DIAPH2: variants seen among roughly 807,000 people sequenced by gnomAD.
The protein encoded by DIAPH2 is diaphanous related formin 2, also known as protein diaphanous homolog 2.
Under a neutral mutation model 92.7 loss-of-function variants are expected in DIAPH2, and 35 were observed. That is an observed-to-expected ratio of 0.38 (90% confidence interval 0.29 to 0.50). The LOEUF (loss-of-function observed/expected upper bound fraction) is 0.50. Ranked by LOEUF, DIAPH2 falls within the 20% of genes least tolerant of loss-of-function variation. The pLI, the probability that DIAPH2 is intolerant of heterozygous loss-of-function variation, is 0.94. For missense variants in DIAPH2, 701 were observed against 819.5 expected (o/e 0.86, Z 1.77); for synonymous variants, 301 against 280.4 (o/e 1.07, Z -0.73).
At chrX:97,144,475 G>A (rs182580492) in intron 22 of DIAPH2, among the ~76,000 whole-genome samples, 2 of 110,827 alleles carry the variant, frequency 1.8e-5, no homozygotes, top group African/African-American at 6.5e-5. Context: ...AATGTTCAAG[G>A]TGGTAGATAC....
At chrX:96,806,270 T>G (rs925897740) in intron 4 of DIAPH2, among the ~76,000 whole-genome samples, 1 of 111,943 alleles carries the variant, frequency 8.9e-6, no homozygotes, top group Non-Finnish European at 1.9e-5. Flanking sequence ...AGATAAATCC[T>G]CAGTTTTCTA....
chrX:96,799,269 T>G (rs2064563401), intron 4 of DIAPH2, among the ~76,000 whole-genome samples: 1 of 111,575 alleles, frequency 9.0e-6, no homozygotes, highest in South Asian at 3.8e-4. Context: ...TTCCTTTCTC[T>G]CAGGGATCAC....
chrX:96,881,602 T>C lies in DIAPH2; in HGVS notation c.471T>C (p.His157=), dbSNP rs763308098. Residue 157 remains histidine, a synonymous_variant, in exon 5 of 27, where the codon CAT becomes CAC. Transcript: ENST00000324765. ...AKSGGLKNSK[H]ECTLSSQEYV... is the part of the protein sequence containing the mutation. Reference sequence around the variant, plus strand: ...AGGGTGGGCTGAAAAACAGCAAACATGAATGCACCCTGTCTTCACAAGAAT... The same window carrying C: ...AGGGTGGGCTGAAAAACAGCAAACACGAATGCACCCTGTCTTCACAAGAAT... 3.3e-6 allele frequency: 4 copies of C among 1,205,668 alleles called. No individual in the cohort carries two copies.
At chrX:97,493,989 C>T (rs1411815127) in intron 26 of DIAPH2, among the ~76,000 whole-genome samples, 3 of 102,116 alleles carry the variant, frequency 2.9e-5, no homozygotes, top group Admixed American at 1.1e-4. Context: ...GTCTGAGATG[C>T]GTGAATCACT....
At chrX:97,147,971 A>G (rs931829625) in intron 22 of DIAPH2, among the ~76,000 whole-genome samples, 1 of 111,616 alleles carries the variant, frequency 9.0e-6, no homozygotes, top group Non-Finnish European at 1.9e-5. Context: ...ATATAAAAGA[A>G]AAAAGTAAAA....
At chrX:96,859,029 A>G (rs2065056691) in intron 4 of DIAPH2, among the ~76,000 whole-genome samples, 1 of 111,987 alleles carries the variant, frequency 8.9e-6, no homozygotes, top group South Asian at 3.7e-4. Flanking sequence ...GAATTTTGAA[A>G]GAGTTTAGGA....
chrX:97,362,258 A>G (rs1294382637), intron 24 of DIAPH2, among the ~76,000 whole-genome samples: 3 of 110,574 alleles, frequency 2.7e-5, no homozygotes, highest in Non-Finnish European at 5.7e-5. Context: ...TTAAAAAAAA[A>G]AAAAAGACTG....
intron 23 of DIAPH2, among the ~76,000 whole-genome samples, chrX:97,254,273 C>T (rs1406621334): frequency 4.5e-5 from 5 of 111,068 alleles, no homozygotes; most frequent in African/African-American, 1.6e-4. Flanking sequence ...GGGTAGATCA[C>T]CTGAGGTCAG....
intron 9 of DIAPH2, among the ~76,000 whole-genome samples, chrX:96,922,736 T>C (rs1189705085): frequency 8.9e-6 from 1 of 111,952 alleles, no homozygotes; most frequent in Non-Finnish European, 1.9e-5. Flanking sequence ...TTCCCAGATA[T>C]GCTGTAGACT....
At chrX:96,808,276 GAATA>G (rs777528710) in intron 4 of DIAPH2, among the ~76,000 whole-genome samples, 14 of 110,037 alleles carry the variant, frequency 1.3e-4, no homozygotes, top group Non-Finnish European at 2.1e-4. Flanking sequence ...CATAAATGTG[GAATA>G]AATAAAGGAT....
At chrX:96,732,957 C>T (rs929951991) in intron 1 of DIAPH2, among the ~76,000 whole-genome samples, 2 of 111,735 alleles carry the variant, frequency 1.8e-5, no homozygotes, top group African/African-American at 6.5e-5. Flanking sequence ...TAGAAGATAG[C>T]CCAGGGCTGA....
chrX:96,924,553 A>G, intron 9 of DIAPH2, among the ~76,000 whole-genome samples: 1 of 111,349 alleles, frequency 9.0e-6, no homozygotes, highest in Non-Finnish European at 1.9e-5. Context: ...TCCTTTATCA[A>G]AGCTCCCTCC....
chrX:97,323,484 T>G (rs1283747343), intron 23 of DIAPH2, among the ~76,000 whole-genome samples: 5 of 99,816 alleles, frequency 5.0e-5, no homozygotes, highest in South Asian at 4.9e-4. Context: ...CCAGCTACTC[T>G]GGAGGCTGAG....
chrX:96,735,779 G>T lies in DIAPH2; in HGVS notation c.154G>T (p.Ala52Ser). 9.1e-7 allele frequency: 1 copy of T among 1,100,851 alleles called. No homozygotes were observed. The highest frequency in any genetic ancestry group is 2.1e-5 in the South Asian group (1 of 47,167). The allele number at this position is 1,100,851 out of a possible 1,213,427, so 90.7% of individuals were successfully genotyped here. Residue 52 changes from alanine (A) to serine (S), a missense_variant, in exon 2 of 27, where the codon GCA becomes TCA. Physicochemically the swap from Ala to Ser is moderately conservative, Grantham distance 99. Transcript: ENST00000324765. ...PKLNIQIKTL[A>S]DDVRDRITSF... ...ATAGAACATTCAAATAAAAACTTTGGCAGATGATGTGGTAAGGTGGTCTTA... is the reference window on the plus strand; with the variant it reads ...ATAGAACATTCAAATAAAAACTTTGTCAGATGATGTGGTAAGGTGGTCTTA...
chrX:97,243,021 C>T (rs948934176), intron 22 of DIAPH2, among the ~76,000 whole-genome samples: 52 of 106,905 alleles, frequency 4.9e-4, no homozygotes, highest in African/African-American at 1.7e-3. Context: ...CTCCTGACCT[C>T]GTGATCTGCC....
At chrX:96,770,062 G>C (rs981030986) in intron 4 of DIAPH2, among the ~76,000 whole-genome samples, 1 of 110,854 alleles carries the variant, frequency 9.0e-6, no homozygotes, top group Admixed American at 9.6e-5. Flanking sequence ...GCTGGGCCTG[G>C]TGGCAGGCCC....
At chrX:96,903,359 C>A (rs899327611) in intron 5 of DIAPH2, among the ~76,000 whole-genome samples, 2 of 111,472 alleles carry the variant, frequency 1.8e-5, no homozygotes, top group African/African-American at 6.5e-5. Flanking sequence ...TTTTGGAATA[C>A]GTTTACTTTA....
At chrX:96,764,296 T>G (rs6523055) in intron 4 of DIAPH2, among the ~76,000 whole-genome samples, 17,380 of 110,243 alleles carry the variant, frequency 0.16, 1,219 homozygotes, top group East Asian at 0.32. Flanking sequence ...TGATGGCTGG[T>G]GTTTGGCTAG....
chrX:97,035,784 G>A (rs1286454232), intron 17 of DIAPH2, among the ~76,000 whole-genome samples: 8 of 110,426 alleles, frequency 7.2e-5, no homozygotes, highest in African/African-American at 9.9e-5. Flanking sequence ...TGAGATGGGC[G>A]GATTGCTTGA....
Sources: allele counts gnomAD v4.1 joint callset (sites outside exome capture counted in the v4.1 genomes callset), GRCh38; gene constraint gnomAD v4.1.1; transcripts MANE v1.5; gene names NCBI Gene and HGNC (gene_info 2026-07-23, HGNC 2026-07-21).